ST8SIA5: variants seen among roughly 807,000 people sequenced by gnomAD.
The protein encoded by ST8SIA5 is ST8 alpha-N-acetyl-neuraminide alpha-2,8-sialyltransferase 5.
Under a neutral mutation model 40.2 loss-of-function variants are expected in ST8SIA5, and 24 were observed. The ratio of observed to expected loss-of-function variants is 0.60; its 90% CI spans 0.43 to 0.84. The LOEUF (loss-of-function observed/expected upper bound fraction) is 0.84. Ranked by LOEUF, ST8SIA5 falls within the 40% of genes least tolerant of loss-of-function variation. The probability of loss-of-function intolerance (pLI) is 0.00; values close to 1 mark genes in which losing one functional copy is unlikely to be tolerated. For missense variants in ST8SIA5, 465 were observed against 498.5 expected (o/e 0.93, Z 0.64); for synonymous variants, 198 against 201.8 (o/e 0.98, Z 0.16).
chr18:46,704,789 C>T (rs1190253750), intron 1 of ST8SIA5, 125 bp from the exon 2 acceptor site: 52 of 775,232 alleles, frequency 6.7e-5, no homozygotes, highest in Non-Finnish European at 4.3e-5. Context: ...AGCCCCATCC[C>T]AGCAGATGTC....
chr18:46,681,914 G>A (rs1251205509), intron 6 of ST8SIA5, 58 bp downstream of exon 6: 17 of 1,551,768 alleles, frequency 1.1e-5, no homozygotes, highest in Middle Eastern at 1.7e-4. Context: ...CCCAGTAGCC[G>A]CATGTGACTA....
At chr18:46,743,983 G>A (rs1052443219) in intron 1 of ST8SIA5, among the ~76,000 whole-genome samples, 1 of 152,160 alleles carries the variant, frequency 6.6e-6, no homozygotes, top group African/African-American at 2.4e-5. Context: ...AACTGAAGGA[G>A]AAATAAAATC....
intron 1 of ST8SIA5, among the ~76,000 whole-genome samples, chr18:46,709,375 C>T (rs1405729745): frequency 6.6e-6 from 1 of 152,204 alleles, no homozygotes; most frequent in Non-Finnish European, 1.5e-5. Context: ...TCTTGGACTT[C>T]CCAGCCCCCA....
Position 46,680,439 on chromosome 18 carries a change from AGCACCGAC to A in ST8SIA5, c.726_733del (p.Ser243AlafsTer69). On this transcript the variant is annotated frameshift_variant, in exon 7 of 7. Coordinates refer to ENST00000315087, the MANE Select transcript of ST8SIA5 (RefSeq NM_013305.6). LOFTEE classifies it high-confidence loss of function. Reference sequence around the variant, plus strand: ...GCGCGTGTTGTAGAAGGCAGGCAGCAGCACCGACGCGTTCTCGTACACCTGCAGCACGC... The same window carrying A: ...GCGCGTGTTGTAGAAGGCAGGCAGCAGCGTTCTCGTACACCTGCAGCACGC... 1 of 1,611,912 alleles carries A rather than the reference AGCACCGAC, an allele frequency of 6.2e-7. No individual in the cohort carries two copies. Among genetic ancestry groups the A allele is most frequent in the Non-Finnish European group, 8.5e-7 (1 of 1,178,940 alleles).
At chr18:46,681,948 A>C (rs2039400728) in intron 6 of ST8SIA5, 24 bp downstream of exon 6, 1 of 1,611,874 alleles carries the variant, frequency 6.2e-7, no homozygotes, top group Non-Finnish European at 8.5e-7. Flanking sequence ...TGGACAGTGC[A>C]GCTCTAGAAA....
At chr18:46,698,243 CA>C (rs1473254524) in intron 2 of ST8SIA5, among the ~76,000 whole-genome samples, 1 of 151,324 alleles carries the variant, frequency 6.6e-6, no homozygotes, top group Non-Finnish European at 1.5e-5. Context: ...CACCAACAAT[CA>C]AAACAACAAC....
chr18:46,743,411 G>GATGC (rs759737939), intron 1 of ST8SIA5, among the ~76,000 whole-genome samples: 40 of 152,108 alleles, frequency 2.6e-4, no homozygotes, highest in Admixed American at 5.2e-4. Context: ...AGAACTTCGT[G>GATGC]ATGCATGCAC....
rs1053384810 is a variant in ST8SIA5 at position 46,676,434 on chromosome 18, A to G, written c.*3608T>C. Reference sequence around the variant, plus strand: ...CTCAATAAATATAATTTATTCACCAATTCACTCACTAAATTGGCCAGCACT... The same window carrying G: ...CTCAATAAATATAATTTATTCACCAGTTCACTCACTAAATTGGCCAGCACT... On this transcript the variant is annotated 3_prime_UTR_variant, in exon 7 of 7. Transcript: ENST00000315087. The G allele has an allele frequency of 1.3e-5, 2 of 152,134 alleles. No individual in the cohort carries two copies. Among genetic ancestry groups the G allele is most frequent in the African/African-American group, 2.4e-5 (1 of 41,436 alleles). 9.4% of individuals were successfully genotyped at this position (152,134 alleles called of 1,614,324 possible).
At chr18:46,718,440 C>T (rs1351026210) in intron 1 of ST8SIA5, among the ~76,000 whole-genome samples, 1 of 150,386 alleles carries the variant, frequency 6.6e-6, no homozygotes, top group East Asian at 1.9e-4. Flanking sequence ...ATTAATAAAG[C>T]TATATGTCAA....
chr18:46,702,228 G>T (rs564415520), intron 2 of ST8SIA5, among the ~76,000 whole-genome samples: 1 of 151,948 alleles, frequency 6.6e-6, no homozygotes, highest in South Asian at 2.1e-4. Context: ...CTCTGGATTT[G>T]CACAGTAAAA....
intron 1 of ST8SIA5, among the ~76,000 whole-genome samples, chr18:46,710,332 CT>C (rs1241516389): frequency 6.7e-6 from 1 of 149,986 alleles, no homozygotes; most frequent in African/African-American, 2.4e-5. Flanking sequence ...GGCCTCCTTT[CT>C]TTTTCTTCCT....
chr18:46,720,501 T>C (rs1238952137), intron 1 of ST8SIA5, among the ~76,000 whole-genome samples: 1 of 152,174 alleles, frequency 6.6e-6, no homozygotes, highest in Admixed American at 6.5e-5. Flanking sequence ...AATAAAAACA[T>C]ACATATCAGG....
At chr18:46,728,320 G>A (rs1403774628) in intron 1 of ST8SIA5, among the ~76,000 whole-genome samples, 2 of 152,258 alleles carry the variant, frequency 1.3e-5, no homozygotes, top group East Asian at 3.8e-4. Context: ...GGAGGCCAGT[G>A]GAGGCAATTT....
rs1179483903 is a variant in ST8SIA5, at chr18:46,675,074, A to T, written c.*4968T>A. 6.6e-6 allele frequency: 1 copy of T among 152,212 alleles called. No individual in the cohort carries two copies. The highest frequency in any genetic ancestry group is 1.5e-5 in the Non-Finnish European group (1 of 68,054). The allele number at this position is 152,212 out of a possible 1,614,324, so 9.4% of individuals were successfully genotyped here. A position where few individuals can be genotyped will look rare whatever the true frequency, so the allele number is the denominator to read the frequency against. On this transcript the variant is annotated 3_prime_UTR_variant, in exon 7 of 7. Transcript: ENST00000315087. ...CTCTGAAAGCAAAAAGATCCATCAG[A>T]TGGTCTGGGTTAGGGCAGTAGCAGA...
intron 1 of ST8SIA5, among the ~76,000 whole-genome samples, chr18:46,747,460 A>G (rs1177596041): frequency 6.6e-6 from 1 of 152,262 alleles, no homozygotes; most frequent in Non-Finnish European, 1.5e-5. Flanking sequence ...GCCAACAGAA[A>G]CATGAAAAAA....
intron 1 of ST8SIA5, among the ~76,000 whole-genome samples, chr18:46,713,900 A>G (rs1599125470): frequency 6.6e-6 from 1 of 152,164 alleles, no homozygotes; most frequent in African/African-American, 2.4e-5. Flanking sequence ...GGAAGTCTGC[A>G]GGTGAAGGAG....
rs773372321 is a variant in ST8SIA5, at chr18:46,704,709, T to C, written c.132-45A>G. 27 of 1,524,850 alleles carry C rather than the reference T, an allele frequency of 1.8e-5. 1 individual carries two copies. The Middle Eastern group carries it at 8.4e-4, about 48-fold the overall frequency. The allele number at this position is 1,524,850 out of a possible 1,614,324, so 94.5% of individuals were successfully genotyped here. A position where few individuals can be genotyped will look rare whatever the true frequency, so the allele number is the denominator to read the frequency against. On this transcript the variant is annotated intron_variant, in intron 1 of 6. Transcript: ENST00000315087. ...GGTTAAACAGAGAAGCAGGTCAGGA[T>C]GTCCAGGGCCTGCAGGGGCTCTTGT... is the stretch of plus-strand genomic sequence containing the variant.
chr18:46,730,292 C>A, intron 1 of ST8SIA5: 2 of 977,778 alleles, frequency 2.0e-6, no homozygotes, highest in Non-Finnish European at 2.4e-6. Flanking sequence ...CAGCATTGAA[C>A]CTCTTGAAGT....
chr18:46,697,423 T>C (rs578173868), intron 2 of ST8SIA5, among the ~76,000 whole-genome samples: 2 of 152,072 alleles, frequency 1.3e-5, no homozygotes, highest in African/African-American at 4.8e-5. Context: ...CCAGAAGAGC[T>C]GGAAGATGAA....
Sources: allele counts gnomAD v4.1 joint callset (sites outside exome capture counted in the v4.1 genomes callset), GRCh38; gene constraint gnomAD v4.1.1; transcripts MANE v1.5; gene names NCBI Gene and HGNC (gene_info 2026-07-23, HGNC 2026-07-21).